CYTH3: variants seen among roughly 807,000 people sequenced by gnomAD.
The protein encoded by CYTH3 is cytohesin-3.
CYTH3 carries 23 observed loss-of-function variants against 55.1 expected under a neutral mutation model. The observed-to-expected ratio is 0.42, with a 90% CI of 0.30 to 0.59. CYTH3 has a LOEUF of 0.59. Among genes scored for constraint, CYTH3 ranks in the 20% least tolerant of loss-of-function variants. CYTH3 has a pLI of 0.20. For synonymous variants in CYTH3, 249 were observed against 194.9 expected (o/e 1.28, Z -2.31); for missense variants, 413 against 524.8 (o/e 0.79, Z 2.08).
intron 1 of CYTH3, among the ~76,000 whole-genome samples, chr7:6,261,963 T>A (rs1780364173): frequency 6.6e-6 from 1 of 152,056 alleles, no homozygotes. Context: ...CTCTGATTCA[T>A]ACAATAAAGC....
chr7:6,254,563 C>T (rs1466924116), intron 1 of CYTH3, among the ~76,000 whole-genome samples: 1 of 152,222 alleles, frequency 6.6e-6, no homozygotes, highest in Admixed American at 6.5e-5. Context: ...ATTCTCATGC[C>T]TCAGCCTCCC....
At chr7:6,250,432 A>G (rs1010387276) in intron 1 of CYTH3, among the ~76,000 whole-genome samples, 14 of 152,208 alleles carry the variant, frequency 9.2e-5, no homozygotes, top group Admixed American at 8.5e-4. Context: ...AGAGGTGAGC[A>G]AAACCTCTCT....
chr7:6,189,432 C>T (rs1038446746), intron 2 of CYTH3, among the ~76,000 whole-genome samples: 1 of 152,098 alleles, frequency 6.6e-6, no homozygotes, highest in African/African-American at 2.4e-5. Context: ...CCTCAGCCTC[C>T]CGAGTATCTG....
chr7:6,270,466 G>A (rs140656433), intron 1 of CYTH3, among the ~76,000 whole-genome samples: 1 of 152,132 alleles, frequency 6.6e-6, no homozygotes, highest in Non-Finnish European at 1.5e-5. Context: ...TCACGTCTTT[G>A]ATGGTTTTTT....
At chr7:6,172,604 G>T in intron 6 of CYTH3, 1 of 680,810 alleles carries the variant, frequency 1.5e-6, no homozygotes, top group Non-Finnish European at 1.9e-6. Context: ...CCTCTACGGG[G>T]CTATGCCAGG....
rs1269164899 is a variant in CYTH3, at chr7:6,259,828, ATATATT to A, written c.34+12640_34+12645del. On this transcript the variant is annotated intron_variant, in intron 1 of 12. Transcript: ENST00000350796. ...ATATATATATAATATATATATATAT[ATATATT>A]TTTTTTTTTTTTTAAGACGGATTTT... is the stretch of plus-strand genomic sequence containing the variant. Among the ~76,000 whole-genome samples the A allele has an allele frequency of 2.2e-4, 5 of 22,886 alleles. 1 individual carries two copies. Among genetic ancestry groups the A allele is most frequent in the East Asian group, 3.2e-3 (2 of 620 alleles). The allele number at this position is 22,886 out of a possible 152,430, so 15.0% of individuals were successfully genotyped here.
chr7:6,211,486 G>T (rs1047716945), intron 1 of CYTH3, among the ~76,000 whole-genome samples: 14 of 152,170 alleles, frequency 9.2e-5, no homozygotes, highest in African/African-American at 3.1e-4. Flanking sequence ...ATTTTTAATT[G>T]TGGTAAAACG....
At chr7:6,192,959 T>G (rs1175060110) in intron 1 of CYTH3, among the ~76,000 whole-genome samples, 2 of 150,776 alleles carry the variant, frequency 1.3e-5, no homozygotes, top group Non-Finnish European at 3.0e-5. Context: ...TCACCTGAGG[T>G]CAGGAGTTCT....
At chr7:6,247,319 G>A (rs936711553) in intron 1 of CYTH3, among the ~76,000 whole-genome samples, 2 of 152,160 alleles carry the variant, frequency 1.3e-5, no homozygotes, top group African/African-American at 4.8e-5. Flanking sequence ...CCTCTCCCCA[G>A]GTTCTGACTG....
At chr7:6,210,475 G>A (rs1331089670) in intron 1 of CYTH3, among the ~76,000 whole-genome samples, 2 of 152,168 alleles carry the variant, frequency 1.3e-5, no homozygotes, top group African/African-American at 2.4e-5. Context: ...TCAAGGAGAC[G>A]TCACCTAAAA....
At chr7:6,212,538 A>G (rs1001979811) in intron 1 of CYTH3, 2 of 152,014 alleles carry the variant, frequency 1.3e-5, no homozygotes, top group Non-Finnish European at 2.9e-5. Flanking sequence ...TGACTGGCTT[A>G]TTTCACCTGG....
At chr7:6,213,882 T>C (rs1784373676) in intron 1 of CYTH3, among the ~76,000 whole-genome samples, 1 of 152,066 alleles carries the variant, frequency 6.6e-6, no homozygotes, top group African/African-American at 2.4e-5. Context: ...AGAACTTGGC[T>C]CCATGAAGTT....
Position 6,167,442 on chromosome 7 carries a change from T to G in CYTH3, c.824-1632A>C, listed in dbSNP as rs1446403851. Among the ~76,000 whole-genome samples, 1 of 152,170 alleles carries G rather than the reference T, an allele frequency of 6.6e-6. No individual in the cohort carries two copies. The highest frequency in any genetic ancestry group is 1.9e-4 in the East Asian group (1 of 5,188). ...TCAGCTGACAGCAACTCCACTACCC[T>G]GACATCCGTCACTGTCACGGTCGCC... On this transcript the variant is annotated intron_variant, in intron 9 of 12. Transcript: ENST00000350796. This position sits in a 1 kb window ranked among gnomAD's most constrained non-coding sequence, Gnocchi z 5.5.
chr7:6,196,482 G>A (rs1364071358), intron 1 of CYTH3, among the ~76,000 whole-genome samples: 4 of 124,950 alleles, frequency 3.2e-5, no homozygotes, highest in Admixed American at 1.7e-4. Flanking sequence ...TTTTTGAGAC[G>A]GAATTTCATT....
At chr7:6,259,792 T>TATATATAAATATATATATA (rs1780273977) in intron 1 of CYTH3, among the ~76,000 whole-genome samples, 2 of 15,012 alleles carry the variant, frequency 1.3e-4, no homozygotes, top group African/African-American at 1.9e-3. Context: ...ATAATATATA[T>TATATATAAATATATATATA]ATATATATAT....
chr7:6,192,775 C>T (rs909587562), intron 1 of CYTH3, among the ~76,000 whole-genome samples: 1 of 150,624 alleles, frequency 6.6e-6, no homozygotes, highest in African/African-American at 2.4e-5. Flanking sequence ...TCAAGTGATC[C>T]ACCCGTCTTG....
chr7:6,204,683 C>T (rs1236188427), intron 1 of CYTH3, among the ~76,000 whole-genome samples: 3 of 152,274 alleles, frequency 2.0e-5, no homozygotes, highest in South Asian at 2.1e-4. Flanking sequence ...TCTGGTGACT[C>T]GATTTTGGAG....
chr7:6,191,682 G>T (rs557953384), intron 1 of CYTH3, among the ~76,000 whole-genome samples: 1 of 145,324 alleles, frequency 6.9e-6, no homozygotes, highest in Admixed American at 7.3e-5. Context: ...TGCATCCTCC[G>T]TCTCCTGGGT....
At chr7:6,196,746 C>T (rs1171707650) in intron 1 of CYTH3, among the ~76,000 whole-genome samples, 1 of 152,184 alleles carries the variant, frequency 6.6e-6, no homozygotes, top group African/African-American at 2.4e-5. Context: ...CAGGCGTGAG[C>T]CACCGCGCCC....
Sources: gnomAD v4.1 joint callset for allele counts (sites outside exome capture counted in the v4.1 genomes callset) on GRCh38, gnomAD v4.1.1 for gene constraint, Gnocchi (gnomAD v3.1) non-coding constraint, MANE v1.5 for transcripts, NCBI Gene and HGNC (gene_info 2026-07-23, HGNC 2026-07-21) for gene names.